The following NLGN1 variants were observed in gnomAD, a reference collection of about 807,000 sequenced individuals.
NLGN1 encodes neuroligin-1.
Under a neutral mutation model 65.5 loss-of-function variants are expected in NLGN1, and 12 were observed. The ratio of observed to expected loss-of-function variants is 0.18; its 90% CI spans 0.12 to 0.30. The LOEUF (loss-of-function observed/expected upper bound fraction) is 0.30. NLGN1 is among the 10% of genes least tolerant of loss of function. The probability of loss-of-function intolerance (pLI) is 1.00; values close to 1 mark genes in which losing one functional copy is unlikely to be tolerated. For synonymous variants in NLGN1, 350 were observed against 359.5 expected (o/e 0.97, Z 0.30); for missense variants, 750 against 1,007.1 (o/e 0.74, Z 3.46).
At chr3:174,183,832 A>C (rs1231644188) in intron 4 of NLGN1, among the ~76,000 whole-genome samples, 1 of 152,142 alleles carries the variant, frequency 6.6e-6, no homozygotes, top group Non-Finnish European at 1.5e-5. Flanking sequence ...TAGGTACTGG[A>C]AGTTGTGTCT....
chr3:173,592,937 A>G (rs1748780018), intron 2 of NLGN1, among the ~76,000 whole-genome samples: 1 of 152,170 alleles, frequency 6.6e-6, no homozygotes, highest in Admixed American at 6.5e-5. Flanking sequence ...CCCTTCTCTC[A>G]GTTCACAGTG....
At chr3:173,817,416 G>T (rs996538701) in intron 4 of NLGN1, among the ~76,000 whole-genome samples, 3 of 152,174 alleles carry the variant, frequency 2.0e-5, no homozygotes, top group Non-Finnish European at 2.9e-5. Context: ...CAAAAAGCAC[G>T]GCTAATACCT....
chr3:174,271,829 ATCAG>A (rs532676175), intron 4 of NLGN1, among the ~76,000 whole-genome samples: 180 of 151,856 alleles, frequency 1.2e-3, no homozygotes, highest in Middle Eastern at 6.8e-3. Context: ...AGACACGTGA[ATCAG>A]TCAAATAATT....
intron 4 of NLGN1, among the ~76,000 whole-genome samples, chr3:173,824,141 T>G (rs1391832322): frequency 6.6e-6 from 1 of 152,102 alleles, no homozygotes. Context: ...AATCACAGTA[T>G]ATTTAAATCC....
chr3:173,475,703 A>G (rs908832190), intron 2 of NLGN1, among the ~76,000 whole-genome samples: 4 of 152,204 alleles, frequency 2.6e-5, no homozygotes, highest in African/African-American at 9.6e-5. Context: ...CACTTATTGC[A>G]TAGCAATTAC....
At chr3:174,014,047 G>A (rs1325021980) in intron 4 of NLGN1, among the ~76,000 whole-genome samples, 1 of 151,996 alleles carries the variant, frequency 6.6e-6, no homozygotes, top group African/African-American at 2.4e-5. Context: ...ACTACTAATA[G>A]TACAAAGGTA....
intron 4 of NLGN1, among the ~76,000 whole-genome samples, chr3:173,923,352 G>A (rs1742410361): frequency 6.6e-6 from 1 of 152,042 alleles, no homozygotes; most frequent in Non-Finnish European, 1.5e-5. Flanking sequence ...ATTTCTAAAG[G>A]AATTGAGATC....
chr3:174,059,393 A>G (rs997166668), intron 4 of NLGN1, among the ~76,000 whole-genome samples: 3 of 152,164 alleles, frequency 2.0e-5, no homozygotes, highest in Non-Finnish European at 2.9e-5. Context: ...AAATGGGATG[A>G]AATGGTTTAA....
intron 4 of NLGN1, among the ~76,000 whole-genome samples, chr3:174,031,740 G>C (rs1042854397): frequency 1.3e-5 from 2 of 152,050 alleles, no homozygotes; most frequent in African/African-American, 2.4e-5. Flanking sequence ...AGAGAATTGA[G>C]AAAATGTAGA....
At chr3:174,213,529 A>G (rs1737074240) in intron 4 of NLGN1, among the ~76,000 whole-genome samples, 1 of 152,208 alleles carries the variant, frequency 6.6e-6, no homozygotes, top group Non-Finnish European at 1.5e-5. Context: ...AAACTGTTTA[A>G]TGTCCCATGT....
At chr3:173,733,086 T>C (rs1773128113) in intron 3 of NLGN1, among the ~76,000 whole-genome samples, 1 of 152,110 alleles carries the variant, frequency 6.6e-6, no homozygotes, top group Non-Finnish European at 1.5e-5. Flanking sequence ...AATATAAAGC[T>C]GGTTATACAT....
intron 2 of NLGN1, among the ~76,000 whole-genome samples, chr3:173,527,222 G>T (rs1048208714): frequency 6.6e-6 from 1 of 152,110 alleles, no homozygotes; most frequent in Admixed American, 6.5e-5. Context: ...GCCAGCATTT[G>T]TAATTGCCTG....
At chr3:173,779,083 T>C (rs1004735495) in intron 3 of NLGN1, among the ~76,000 whole-genome samples, 8 of 151,694 alleles carry the variant, frequency 5.3e-5, no homozygotes, top group African/African-American at 1.7e-4. Flanking sequence ...TTCATTGTGC[T>C]TAATGTATTT....
intron 3 of NLGN1, among the ~76,000 whole-genome samples, chr3:173,776,135 T>A (rs1191080167): frequency 1.3e-5 from 2 of 152,090 alleles, no homozygotes; most frequent in Non-Finnish European, 2.9e-5. Flanking sequence ...TTTCTTTTCC[T>A]GGCTATCAGT....
intron 4 of NLGN1, among the ~76,000 whole-genome samples, chr3:174,079,420 GA>G (rs1560991670): frequency 6.6e-6 from 1 of 152,120 alleles, no homozygotes; most frequent in East Asian, 1.9e-4. Flanking sequence ...AGAGAAAAAG[GA>G]ATCCTTATAC....
rs576661633 is a variant in NLGN1, at chr3:174,170,815, G to A, written c.647-104500G>A. 2.6e-5 allele frequency among the ~76,000 whole-genome samples: 4 copies of A among 152,246 alleles called. No homozygotes were observed. The East Asian group carries it at 7.7e-4, about 29-fold the overall frequency. On this transcript the variant is annotated intron_variant, in intron 4 of 6. Transcript: ENST00000457714. ...AGTATTAGTATAGGTTTTATAATAT[G>A]TGCATTTTAGTTCTTCAATAATGTG...
intron 2 of NLGN1, among the ~76,000 whole-genome samples, chr3:173,451,211 A>G (rs1430386688): frequency 2.0e-5 from 3 of 151,970 alleles, no homozygotes; most frequent in African/African-American, 7.3e-5. Flanking sequence ...TTGGTCTTTG[A>G]TGATCGTGAC....
At chr3:174,257,827 G>A (rs1321026656) in intron 4 of NLGN1, among the ~76,000 whole-genome samples, 1 of 151,220 alleles carries the variant, frequency 6.6e-6, no homozygotes, top group African/African-American at 2.4e-5. Flanking sequence ...GGTTAATACT[G>A]AGTGTCAACT....
At chr3:173,480,817 C>G (rs537402085) in intron 2 of NLGN1, among the ~76,000 whole-genome samples, 1 of 151,980 alleles carries the variant, frequency 6.6e-6, no homozygotes, top group Non-Finnish European at 1.5e-5. Flanking sequence ...AGACTGTAGC[C>G]AAACTCCACA....
Sources: gnomAD v4.1 joint callset for allele counts (sites outside exome capture counted in the v4.1 genomes callset) on GRCh38, gnomAD v4.1.1 for gene constraint, MANE v1.5 for transcripts, NCBI Gene and HGNC (gene_info 2026-07-23, HGNC 2026-07-21) for gene names.